Variants in COL23A1 observed in about 807,000 individuals in gnomAD.
The protein encoded by COL23A1 is collagen type XXIII alpha 1 chain.
Under a neutral mutation model 99.3 loss-of-function variants are expected in COL23A1, and 97 were observed. That is an observed-to-expected ratio of 0.98 (90% CI 0.83 to 1.16). COL23A1 has a LOEUF of 1.16. Among genes scored for constraint, COL23A1 ranks in the 50% most tolerant of loss-of-function variants. The pLI is 0.00. For synonymous variants in COL23A1, 320 were observed against 308.2 expected (o/e 1.04, Z -0.40); for missense variants, 762 against 757.4 (o/e 1.01, Z -0.07).
At chr5:178,324,039 T>G (rs1442533741) in intron 2 of COL23A1, among the ~76,000 whole-genome samples, 1 of 152,126 alleles carries the variant, frequency 6.6e-6, no homozygotes, top group Non-Finnish European at 1.5e-5. Context: ...TCTATTCAGA[T>G]GCCATTGTCC....
chr5:178,380,327 G>A (rs776212062), intron 2 of COL23A1, among the ~76,000 whole-genome samples: 12 of 152,088 alleles, frequency 7.9e-5, no homozygotes, highest in Non-Finnish European at 1.3e-4. Flanking sequence ...GCGGGGCCCA[G>A]CAGTGGGATG....
chr5:178,294,871 G>A (rs1757659251), intron 3 of COL23A1, among the ~76,000 whole-genome samples: 1 of 152,250 alleles, frequency 6.6e-6, no homozygotes, highest in Non-Finnish European at 1.5e-5. Context: ...GCCGTGTGCG[G>A]TGGCTCACGC....
rs1239546477 is a variant in COL23A1 at position 178,307,447 on chromosome 5, C to T, written c.362-528G>A. ...CGATCCGCCTGCAGTCTCCGCCACT[C>T]GCTGGGGCCTCCAGCTCCTCCTTCC... On this transcript the variant is annotated intron_variant, in intron 2 of 28. Coordinates refer to ENST00000390654, the MANE Select transcript of COL23A1 (RefSeq NM_173465.4). This position sits in a 1 kb window ranked among gnomAD's most constrained non-coding sequence, Gnocchi z 4.2. Among the ~76,000 whole-genome samples, 3 of 152,262 alleles carry T rather than the reference C, an allele frequency of 2.0e-5. No individual in the cohort carries two copies. The highest frequency in any genetic ancestry group is 2.1e-4 in the South Asian group (1 of 4,830).
At chr5:178,456,769 C>G (rs1407088972) in intron 2 of COL23A1, among the ~76,000 whole-genome samples, 1 of 152,030 alleles carries the variant, frequency 6.6e-6, no homozygotes, top group Non-Finnish European at 1.5e-5. Flanking sequence ...AACTGAAAGG[C>G]AAGTGACAAA....
chr5:178,401,390 A>T (rs1214135433), intron 2 of COL23A1, among the ~76,000 whole-genome samples: 2 of 152,244 alleles, frequency 1.3e-5, no homozygotes, highest in African/African-American at 4.8e-5. Context: ...TGTCATAGAA[A>T]TGAAGCATAA....
intron 2 of COL23A1, among the ~76,000 whole-genome samples, chr5:178,338,619 C>A (rs1248126661): frequency 1.3e-5 from 2 of 151,806 alleles, no homozygotes; most frequent in Admixed American, 6.5e-5. Context: ...GCTCCTGGGT[C>A]ACCCAGCACC....
At chr5:178,379,860 A>G (rs28609488) in intron 2 of COL23A1, among the ~76,000 whole-genome samples, 23,795 of 149,896 alleles carry the variant, frequency 0.16, 2,428 homozygotes, top group East Asian at 0.29. Flanking sequence ...CAGCCTGGGC[A>G]ACAAGAGCGA....
chr5:178,426,691 G>C (rs1765957603), intron 2 of COL23A1, among the ~76,000 whole-genome samples: 1 of 152,214 alleles, frequency 6.6e-6, no homozygotes, highest in South Asian at 2.1e-4. Flanking sequence ...AAGCCGCAGA[G>C]AGAGAGAAAA....
At chr5:178,484,540 C>T (rs998385496) in intron 2 of COL23A1, among the ~76,000 whole-genome samples, 6 of 151,240 alleles carry the variant, frequency 4.0e-5, no homozygotes, top group Non-Finnish European at 5.9e-5. Flanking sequence ...ACAGTGAGGC[C>T]GGGCCGGGCG....
At chr5:178,576,423 C>G (rs373424761) in intron 1 of COL23A1, among the ~76,000 whole-genome samples, 1 of 152,164 alleles carries the variant, frequency 6.6e-6, no homozygotes, top group African/African-American at 2.4e-5. Flanking sequence ...TTAGTAGAGA[C>G]GGGGTTTCGC....
At chr5:178,480,468 C>T (rs1413677953) in intron 2 of COL23A1, among the ~76,000 whole-genome samples, 6 of 152,196 alleles carry the variant, frequency 3.9e-5, no homozygotes, top group East Asian at 1.9e-4. Flanking sequence ...ACCTCCCACC[C>T]GCAAGCCCAT....
At chr5:178,250,409 C>T (rs1316841991) in intron 17 of COL23A1, among the ~76,000 whole-genome samples, 1 of 152,210 alleles carries the variant, frequency 6.6e-6, no homozygotes, top group African/African-American at 2.4e-5. Context: ...TGCCTGACTT[C>T]AAAGTTGTTG....
intron 2 of COL23A1, among the ~76,000 whole-genome samples, chr5:178,333,208 G>A (rs974879534): frequency 3.9e-5 from 6 of 151,900 alleles, no homozygotes; most frequent in Non-Finnish European, 7.4e-5. Context: ...CACCCACCTC[G>A]GCCTCCCAGA....
intron 2 of COL23A1, among the ~76,000 whole-genome samples, chr5:178,331,272 T>C (rs914858258): frequency 6.6e-6 from 1 of 152,236 alleles, no homozygotes; most frequent in African/African-American, 2.4e-5. Flanking sequence ...TGGGTATATC[T>C]GGCAGAGGCA....
intron 2 of COL23A1, among the ~76,000 whole-genome samples, chr5:178,380,663 G>C (rs1479822362): frequency 6.6e-6 from 1 of 152,196 alleles, no homozygotes; most frequent in Non-Finnish European, 1.5e-5. Context: ...GCCAATGAAG[G>C]AGGTGGTATG....
At chr5:178,555,375 T>A (rs1465210643) in intron 2 of COL23A1, among the ~76,000 whole-genome samples, 1 of 152,160 alleles carries the variant, frequency 6.6e-6, no homozygotes, top group African/African-American at 2.4e-5. Flanking sequence ...AGAACAGTGC[T>A]GTATCTGCTG....
At chr5:178,278,012 T>TG (rs1756687247) in intron 5 of COL23A1, among the ~76,000 whole-genome samples, 1 of 152,128 alleles carries the variant, frequency 6.6e-6, no homozygotes, top group African/African-American at 2.4e-5. Flanking sequence ...GAAGGAAGTC[T>TG]GGGGGAACAC....
intron 2 of COL23A1, among the ~76,000 whole-genome samples, chr5:178,349,548 C>T (rs926836899): frequency 4.6e-5 from 7 of 151,486 alleles, no homozygotes; most frequent in East Asian, 2.0e-4. Context: ...CCACCCCCCA[C>T]GCCCCACGCC....
intron 16 of COL23A1, among the ~76,000 whole-genome samples, chr5:178,253,441 A>G (rs988486400): frequency 6.6e-6 from 1 of 151,480 alleles, no homozygotes; most frequent in African/African-American, 2.4e-5. Flanking sequence ...CACTGTCCAT[A>G]TCATTCCCTA....
Sources: gnomAD v4.1 joint callset for allele counts (sites outside exome capture counted in the v4.1 genomes callset) on GRCh38, gnomAD v4.1.1 for gene constraint, Gnocchi (gnomAD v3.1) non-coding constraint, MANE v1.5 for transcripts, NCBI Gene and HGNC (gene_info 2026-07-23, HGNC 2026-07-21) for gene names.